Variants in ASAP1 observed in about 807,000 individuals in gnomAD.
ASAP1 encodes arf-GAP with SH3 domain, ANK repeat and PH domain-containing protein 1.
Under a neutral mutation model 145.2 loss-of-function variants are expected in ASAP1, and 43 were observed. The ratio of observed to expected loss-of-function variants is 0.30; its 90% CI spans 0.23 to 0.38. ASAP1 has a LOEUF of 0.38. Among genes scored for constraint, ASAP1 ranks in the 10% least tolerant of loss-of-function variants. The pLI is 1.00. For missense variants in ASAP1, 1,018 were observed against 1,355.3 expected, an observed-to-expected ratio of 0.75 and a Z score of 3.91; for synonymous variants, 546 against 515.5, an observed-to-expected ratio of 1.06 and a Z score of -0.80.
At chr8:130,302,131 T>C (rs1822713839) in intron 3 of ASAP1, among the ~76,000 whole-genome samples, 1 of 152,264 alleles carries the variant, frequency 6.6e-6, no homozygotes, top group Admixed American at 6.5e-5. Flanking sequence ...TCTGCATGCA[T>C]GCAAAGACTC....
chr8:130,341,014 TTTTAG>T (rs1565224898), intron 3 of ASAP1: 1 of 414,700 alleles, frequency 2.4e-6, no homozygotes, highest in Non-Finnish European at 4.7e-6. Flanking sequence ...AGGGGTGGTT[TTTTAG>T]AGTGTTTTTT....
chr8:130,253,484 T>A (rs2136887669), intron 3 of ASAP1, among the ~76,000 whole-genome samples: 1 of 152,208 alleles, frequency 6.6e-6, no homozygotes, highest in South Asian at 2.1e-4. Flanking sequence ...TGAATGGTGG[T>A]GCTACTATAG....
chr8:130,361,012 G>GA (rs1826686480), intron 2 of ASAP1: 2 of 154,608 alleles, frequency 1.3e-5, no homozygotes, highest in African/African-American at 4.8e-5. Flanking sequence ...ACGGCACTTA[G>GA]GCTTCACTCC....
At chr8:130,217,956 AC>A (rs1390300358) in intron 4 of ASAP1, among the ~76,000 whole-genome samples, 1 of 152,062 alleles carries the variant, frequency 6.6e-6, no homozygotes, top group Non-Finnish European at 1.5e-5. Flanking sequence ...CCTTCTAATC[AC>A]CACCACATTA....
intron 24 of ASAP1, among the ~76,000 whole-genome samples, chr8:130,096,944 A>C (rs1348445821): frequency 6.6e-6 from 1 of 151,602 alleles, no homozygotes; most frequent in East Asian, 1.9e-4. Context: ...TGGCCAACAT[A>C]ATGAAACCCT....
intron 3 of ASAP1, among the ~76,000 whole-genome samples, chr8:130,274,695 A>G (rs1820779396): frequency 6.6e-6 from 1 of 152,208 alleles, no homozygotes; most frequent in Non-Finnish European, 1.5e-5. Context: ...ACTTCCTTGG[A>G]AGCACGGACT....
At chr8:130,332,612 TTTC>T (rs1824765945) in intron 3 of ASAP1, among the ~76,000 whole-genome samples, 1 of 152,232 alleles carries the variant, frequency 6.6e-6, no homozygotes, top group Admixed American at 6.5e-5. Flanking sequence ...AACTTTTCGT[TTTC>T]TTATTAGAAA....
chr8:130,188,723 C>CAAAAAAAAAAAAAAAA (rs370580190), intron 5 of ASAP1, among the ~76,000 whole-genome samples: 33 of 83,840 alleles, frequency 3.9e-4, no homozygotes, highest in African/African-American at 6.1e-4. Flanking sequence ...GAGACTCTCT[C>CAAAAAAAAAAAAAAAA]AAAAAAAAAA....
chr8:130,292,516 T>C (rs575550961), intron 3 of ASAP1, among the ~76,000 whole-genome samples: 1 of 152,262 alleles, frequency 6.6e-6, no homozygotes, highest in African/African-American at 2.4e-5. Flanking sequence ...AGGAGGGAAA[T>C]GGCTTGCTCT....
intron 4 of ASAP1, among the ~76,000 whole-genome samples, chr8:130,216,966 T>C (rs1325506317): frequency 6.6e-6 from 1 of 152,262 alleles, no homozygotes; most frequent in African/African-American, 2.4e-5. Flanking sequence ...ACTGTTATAC[T>C]GTGCATCAGA....
rs1333515760 is a variant in ASAP1, at chr8:130,276,760, T to TCTCC, written c.187-39767_187-39766insGGAG. Among the ~76,000 whole-genome samples the TCTCC allele has an allele frequency of 6.8e-3, 880 of 130,330 alleles. 23 individuals carry two copies. Among genetic ancestry groups the TCTCC allele is most frequent in the African/African-American group, 0.024 (831 of 33,934 alleles). The allele number at this position is 130,330 out of a possible 152,430, so 85.5% of individuals were successfully genotyped here. A position where few individuals can be genotyped will look rare whatever the true frequency, so the allele number is the denominator to read the frequency against. On this transcript the variant is annotated intron_variant, in intron 3 of 29. Coordinates refer to ENST00000518721, the MANE Select transcript of ASAP1 (RefSeq NM_018482.4). ...CTCTCTCTCTCTCTCTCTCTCTCTC[T>TCTCC]CCTCTAACAAAAAAGCTCCATGGCA...
At chr8:130,216,606 G>A (rs1409367916) in intron 4 of ASAP1, among the ~76,000 whole-genome samples, 1 of 151,998 alleles carries the variant, frequency 6.6e-6, no homozygotes, top group Non-Finnish European at 1.5e-5. Context: ...TCATCATGTT[G>A]AGGCCCCTCA....
intron 4 of ASAP1, among the ~76,000 whole-genome samples, chr8:130,223,319 G>T (rs376592542): frequency 6.6e-6 from 1 of 152,190 alleles, no homozygotes; most frequent in South Asian, 2.1e-4. Flanking sequence ...GTTCTAACTG[G>T]GCATATATAA....
chr8:130,283,864 G>A (rs1187323160), intron 3 of ASAP1, among the ~76,000 whole-genome samples: 1 of 152,058 alleles, frequency 6.6e-6, no homozygotes, highest in Non-Finnish European at 1.5e-5. Flanking sequence ...TCCAATGAAG[G>A]GTAAGGGCCT....
At chr8:130,079,748 C>T (rs907901833) in intron 26 of ASAP1, among the ~76,000 whole-genome samples, 154 bp downstream of exon 26, 1 of 152,160 alleles carries the variant, frequency 6.6e-6, no homozygotes. Flanking sequence ...GCATGCAAAC[C>T]AAGAGTGAAC....
intron 29 of ASAP1, among the ~76,000 whole-genome samples, chr8:130,055,961 T>C (rs571922595): frequency 6.6e-6 from 1 of 152,302 alleles, no homozygotes; most frequent in South Asian, 2.1e-4. Context: ...CATCTTTACA[T>C]CTGGCGAGGC....
At chr8:130,091,318 G>A (rs2097504996) in intron 25 of ASAP1, among the ~76,000 whole-genome samples, 1 of 152,174 alleles carries the variant, frequency 6.6e-6, no homozygotes, top group Admixed American at 6.5e-5. Context: ...CTGCGTTGGA[G>A]GGCGGGGGAG....
intron 2 of ASAP1, among the ~76,000 whole-genome samples, chr8:130,389,864 C>T (rs1828193249): frequency 6.6e-6 from 1 of 152,110 alleles, no homozygotes. Context: ...CTATGCCCAG[C>T]TAAATTTTTT....
At chr8:130,300,724 T>C (rs778568799) in intron 3 of ASAP1, among the ~76,000 whole-genome samples, 1 of 152,194 alleles carries the variant, frequency 6.6e-6, no homozygotes, top group Non-Finnish European at 1.5e-5. Flanking sequence ...AAATAAAACA[T>C]CTTTTTCTGC....
Sources: allele counts gnomAD v4.1 joint callset (sites outside exome capture counted in the v4.1 genomes callset), GRCh38; gene constraint gnomAD v4.1.1; transcripts MANE v1.5; gene names NCBI Gene and HGNC (gene_info 2026-07-23, HGNC 2026-07-21).